RSPH10B2: variants seen among roughly 807,000 people sequenced by gnomAD.
RSPH10B2 encodes the protein radial spoke head 10 homolog B2.
RSPH10B2 carries 9 observed loss-of-function variants against 49.0 expected under a neutral mutation model. The observed-to-expected ratio is 0.18, with a 90% confidence interval of 0.11 to 0.32. RSPH10B2 has a LOEUF of 0.32. Ranked by LOEUF, RSPH10B2 falls within the 10% of genes least tolerant of loss-of-function variation. The pLI, the probability that RSPH10B2 is intolerant of heterozygous loss-of-function variation, is 1.00. For synonymous variants in RSPH10B2, 35 were observed against 210.2 expected (o/e 0.17, Z 7.21); for missense variants, 95 against 589.9 (o/e 0.16, Z 8.69).
intron 8 of RSPH10B2, among the ~76,000 whole-genome samples, chr7:6,772,048 C>A (rs1781665214): frequency 7.4e-6 from 1 of 135,568 alleles, no homozygotes; most frequent in Non-Finnish European, 1.7e-5. Context: ...AAATAAAATT[C>A]ATCTGTTTTT....
upstream of RSPH10B2, among the ~76,000 whole-genome samples, chr7:6,752,469 TC>T (rs2115385014): frequency 7.7e-6 from 1 of 129,380 alleles, no homozygotes; most frequent in South Asian, 2.7e-4. Flanking sequence ...CAGATGTGGC[TC>T]CCCCTGCTGC....
At chr7:6,764,571 G>A (rs1781389337) in intron 4 of RSPH10B2, among the ~76,000 whole-genome samples, 2 of 149,182 alleles carry the variant, frequency 1.3e-5, no homozygotes, top group South Asian at 4.4e-4. Flanking sequence ...ATGTTGGCCA[G>A]GGTGGTCTTG....
At chr7:6,797,174 A>G (rs1394890652) in intron 18 of RSPH10B2, among the ~76,000 whole-genome samples, 2 of 142,636 alleles carry the variant, frequency 1.4e-5, no homozygotes, top group Non-Finnish European at 1.5e-5. Flanking sequence ...ACGCCTGGCT[A>G]ATTTTTGTAT....
intron 1 of RSPH10B2, among the ~76,000 whole-genome samples, chr7:6,758,750 C>T (rs1280999883): frequency 9.7e-4 from 112 of 115,272 alleles, no homozygotes; most frequent in African/African-American, 3.2e-3. Flanking sequence ...GAGGCTGAGG[C>T]GGGAGAATCA....
chr7:6,756,214 G>T (rs962025570), upstream of RSPH10B2, among the ~76,000 whole-genome samples: 7 of 140,850 alleles, frequency 5.0e-5, no homozygotes, highest in Admixed American at 7.0e-5. Context: ...AGCTTGCAGT[G>T]AGCCAAGATC....
At chr7:6,795,770 C>T (rs187788624) in intron 17 of RSPH10B2, among the ~76,000 whole-genome samples, 2 of 146,898 alleles carry the variant, frequency 1.4e-5, no homozygotes, top group Non-Finnish European at 3.0e-5. Flanking sequence ...CACAGTAATA[C>T]TTAAAACAAT....
At chr7:6,780,784 T>C in intron 11 of RSPH10B2, 25 bp from the exon 14 acceptor site, 1 of 1,389,952 alleles carries the variant, frequency 7.2e-7, no homozygotes, top group Non-Finnish European at 9.5e-7. Flanking sequence ...GAAGTAACTA[T>C]GGTATCTTTT....
At chr7:6,766,953 T>C (rs1167364841) in intron 6 of RSPH10B2, 76 bp downstream of exon 8, 11 of 1,206,358 alleles carry the variant, frequency 9.1e-6, no homozygotes, top group Admixed American at 3.7e-5. Context: ...ATATTTCTTT[T>C]TGGGTTTTGT....
chr7:6,763,576 T>G (rs1163882899), intron 3 of RSPH10B2, among the ~76,000 whole-genome samples: 1 of 127,864 alleles, frequency 7.8e-6, no homozygotes, highest in Non-Finnish European at 1.7e-5. Context: ...TGTGAGCCAC[T>G]GCACCTTGCC....
chr7:6,792,743 A>G (rs1178077900), intron 17 of RSPH10B2, among the ~76,000 whole-genome samples: 1 of 119,092 alleles, frequency 8.4e-6, no homozygotes, highest in Non-Finnish European at 1.7e-5. Flanking sequence ...TCATGATTAA[A>G]CAAGCCCTGG....
Position 6,767,000 on chromosome 7 carries a change from T to C in RSPH10B2, c.780+123T>C, listed in dbSNP as rs1173995452. On this transcript the variant is annotated intron_variant, in intron 6 of 18. Coordinates refer to ENST00000297186, the Ensembl canonical transcript of RSPH10B2. ...TTTTGAGACAGAGTCTCTCTCTGTCTGTCTCCCAGGCTGGAGTGCACTGGC... is the reference window on the plus strand; with the variant it reads ...TTTTGAGACAGAGTCTCTCTCTGTCCGTCTCCCAGGCTGGAGTGCACTGGC... The C allele has an allele frequency of 1.8e-5, 17 of 940,120 alleles. No individual in the cohort carries two copies. In the African/African-American group the frequency reaches 3.0e-4, roughly 16 times the overall value. 58.2% of individuals were successfully genotyped at this position (940,120 alleles called of 1,614,324 possible).
chr7:6,797,866 TACACACAC>T lies in RSPH10B2; in HGVS notation c.2433-482_2433-475del, dbSNP rs753716997. 2.0e-4 allele frequency among the ~76,000 whole-genome samples: 13 copies of T among 65,732 alleles called. 3 individuals are homozygous for T. Among genetic ancestry groups the T allele is most frequent in the Non-Finnish European group, 3.6e-4 (13 of 36,308 alleles). The allele number at this position is 65,732 out of a possible 152,430, so 43.1% of individuals were successfully genotyped here. A position where few individuals can be genotyped will look rare whatever the true frequency, so the allele number is the denominator to read the frequency against. On this transcript the variant is annotated intron_variant, in intron 18 of 18. Transcript: ENST00000297186. ...AGACCCTATCTCAAAAAAAAAAAAA[TACACACAC>T]ACACACACACACACGTAACTTTGGG...
chr7:6,784,656 C>G (rs558439525), intron 13 of RSPH10B2, among the ~76,000 whole-genome samples: 1 of 122,734 alleles, frequency 8.1e-6, no homozygotes, highest in Admixed American at 8.9e-5. Flanking sequence ...ACCTCTGCCT[C>G]CTGGGCTCAA....
intron 1 of RSPH10B2, among the ~76,000 whole-genome samples, 196 bp from the exon 4 acceptor site, chr7:6,758,888 T>C (rs2711193): frequency 0.025 from 3,092 of 124,130 alleles, 59 homozygotes; most frequent in African/African-American, 0.034. Context: ...AACCCCGAAA[T>C]GCCTTCATTC....
At chr7:6,755,679 T>A (rs377638770), upstream of RSPH10B2, among the ~76,000 whole-genome samples, 5,720 of 42,908 alleles carry the variant, frequency 0.13, 37 homozygotes, top group South Asian at 0.15. Context: ...TCACACTTGT[T>A]ATCCCAGCAC....
At chr7:6,758,750 C>G (rs1280999883) in intron 1 of RSPH10B2, among the ~76,000 whole-genome samples, 1 of 115,214 alleles carries the variant, frequency 8.7e-6, no homozygotes, top group Non-Finnish European at 1.8e-5. Context: ...GAGGCTGAGG[C>G]GGGAGAATCA....
At chr7:6,797,316 A>G (rs61462947) in intron 18 of RSPH10B2, among the ~76,000 whole-genome samples, 44,965 of 143,210 alleles carry the variant, frequency 0.31, 2,986 homozygotes, top group East Asian at 0.45. Context: ...GCTATTTTCT[A>G]TTTCTTGACC....
At chr7:6,797,369 T>C (rs1782623299) in intron 18 of RSPH10B2, among the ~76,000 whole-genome samples, 1 of 151,634 alleles carries the variant, frequency 6.6e-6, no homozygotes, top group African/African-American at 2.4e-5. Context: ...AATGACTATG[T>C]TGAGATGACT....
intron 17 of RSPH10B2, among the ~76,000 whole-genome samples, chr7:6,795,890 C>T (rs947082507): frequency 8.1e-5 from 12 of 148,578 alleles, no homozygotes; most frequent in Admixed American, 8.0e-4. Context: ...CATGGTCATG[C>T]CACTGCACTC....
Sources: allele counts gnomAD v4.1 joint callset (sites outside exome capture counted in the v4.1 genomes callset), GRCh38; gene constraint gnomAD v4.1.1; transcripts MANE v1.5; gene names NCBI Gene and HGNC (gene_info 2026-07-23, HGNC 2026-07-21).